ARHGAP18: variants seen among roughly 807,000 people sequenced by gnomAD.
ARHGAP18 encodes the protein rho GTPase-activating protein 18.
Under a neutral mutation model 86.2 loss-of-function variants are expected in ARHGAP18, and 67 were observed. The observed-to-expected ratio is 0.78, with a 90% CI of 0.64 to 0.95. ARHGAP18 has a LOEUF of 0.95. ARHGAP18 is among the 40% of genes least tolerant of loss of function. ARHGAP18 has a pLI of 0.00. For synonymous variants in ARHGAP18, 283 were observed against 280.4 expected (o/e 1.01, Z -0.09); for missense variants, 691 against 780.4 (o/e 0.89, Z 1.37).
intron 2 of ARHGAP18, 110 bp downstream of exon 2, chr6:129,641,706 T>C (rs1296183428): frequency 7.9e-6 from 8 of 1,018,770 alleles, no homozygotes; most frequent in South Asian, 1.7e-5. Context: ...GGCAGTATCT[T>C]TTTTTGGTGG....
At chr6:129,585,264 C>A (rs1176218295) in intron 12 of ARHGAP18, among the ~76,000 whole-genome samples, 3 of 151,510 alleles carry the variant, frequency 2.0e-5, no homozygotes, top group Non-Finnish European at 4.4e-5. Flanking sequence ...GCCTGGGAGA[C>A]AGAGTGAGAC....
chr6:129,623,560 T>C (rs1789276642), intron 5 of ARHGAP18, among the ~76,000 whole-genome samples: 1 of 152,110 alleles, frequency 6.6e-6, no homozygotes, highest in Non-Finnish European at 1.5e-5. Flanking sequence ...CAGAGAACAA[T>C]GTATTACATA....
intron 1 of ARHGAP18, among the ~76,000 whole-genome samples, chr6:129,693,898 G>A (rs1289250871): frequency 2.1e-5 from 3 of 142,182 alleles, no homozygotes; most frequent in African/African-American, 7.3e-5. Flanking sequence ...ATTTGCCCCA[G>A]TTATACGAAC....
intron 1 of ARHGAP18, among the ~76,000 whole-genome samples, chr6:129,688,388 C>G (rs1774468765): frequency 3.3e-5 from 5 of 152,152 alleles, no homozygotes; most frequent in Admixed American, 3.3e-4. Context: ...AACTTCCAGT[C>G]CTGTAACACA....
chr6:129,679,701 G>A (rs1254208934), intron 1 of ARHGAP18, among the ~76,000 whole-genome samples: 1 of 152,216 alleles, frequency 6.6e-6, no homozygotes, highest in African/African-American at 2.4e-5. Context: ...TGGTGGTAGG[G>A]TCCTCCTGAA....
At chr6:129,672,616 AT>A (rs1562719677) in intron 1 of ARHGAP18, among the ~76,000 whole-genome samples, 1 of 152,186 alleles carries the variant, frequency 6.6e-6, no homozygotes, top group African/African-American at 2.4e-5. Context: ...TTGTTTAAAC[AT>A]TTTTTTCCAA....
intron 1 of ARHGAP18, among the ~76,000 whole-genome samples, chr6:129,670,018 T>A (rs943668682): frequency 6.6e-6 from 1 of 152,224 alleles, no homozygotes; most frequent in African/African-American, 2.4e-5. Flanking sequence ...AAGTAGAAAT[T>A]ACATCAACTT....
chr6:129,650,398 C>G (rs530808726), intron 1 of ARHGAP18, among the ~76,000 whole-genome samples: 10 of 152,126 alleles, frequency 6.6e-5, no homozygotes, highest in Non-Finnish European at 1.5e-4. Flanking sequence ...GGAACATATA[C>G]GGGAAAATAG....
chr6:129,623,001 CAAAACAA>C (rs1562694853), intron 5 of ARHGAP18, among the ~76,000 whole-genome samples: 3 of 15,406 alleles, frequency 1.9e-4, no homozygotes, highest in East Asian at 1.3e-3. Context: ...AACTCCATCT[CAAAACAA>C]AAAAAAAAAA....
At position 129,616,219 on chromosome 6, in the gene ARHGAP18, A is replaced by C. The variant is rs771866699; in HGVS notation, c.1037T>G (p.Phe346Cys). ...CAATCCAAGCCTACCTACTTTTTGA[A>C]AGATCAAGGGTATTCGCATTCCTGG... ...KVPGMRIPLI[F>C]QKLISRIEER... The change falls in exon 7 of 15, where the codon TTT becomes TGT. Residue 346 changes from phenylalanine to cysteine, a missense_variant. Coordinates refer to ENST00000368149, the MANE Select transcript of ARHGAP18 (RefSeq NM_033515.3). 7 of 1,607,856 alleles carry C rather than the reference A, an allele frequency of 4.4e-6. No homozygotes were observed. The African/African-American group carries it at 6.7e-5, about 15-fold the overall frequency.
chr6:129,618,239 C>T (rs1318242618), intron 6 of ARHGAP18, among the ~76,000 whole-genome samples: 1 of 151,906 alleles, frequency 6.6e-6, no homozygotes, highest in African/African-American at 2.4e-5. Flanking sequence ...TTAGAATGTC[C>T]AGGAACAAAG....
intron 3 of ARHGAP18, among the ~76,000 whole-genome samples, chr6:129,634,912 ATG>A (rs1470060481): frequency 6.6e-6 from 1 of 152,142 alleles, no homozygotes; most frequent in Non-Finnish European, 1.5e-5. Flanking sequence ...CAAGAAATAA[ATG>A]TGAGATAAGT....
intron 5 of ARHGAP18, among the ~76,000 whole-genome samples, chr6:129,622,389 A>G (rs565851083): frequency 6.6e-6 from 1 of 152,278 alleles, no homozygotes; most frequent in South Asian, 2.1e-4. Context: ...GGGTCTAATA[A>G]GTCAAACACA....
chr6:129,636,437 A>G (rs1445750741), intron 3 of ARHGAP18, among the ~76,000 whole-genome samples: 1 of 152,204 alleles, frequency 6.6e-6, no homozygotes, highest in Non-Finnish European at 1.5e-5. Context: ...GTTATCTTTT[A>G]TAGTGTAAAT....
chr6:129,709,474 A>G (rs572705143), intron 1 of ARHGAP18, among the ~76,000 whole-genome samples: 1 of 152,250 alleles, frequency 6.6e-6, no homozygotes, highest in Non-Finnish European at 1.5e-5. Flanking sequence ...CCTGGGGGAA[A>G]AAAAATCCAC....
intron 10 of ARHGAP18, among the ~76,000 whole-genome samples, chr6:129,603,769 C>T (rs1335437016): frequency 6.6e-6 from 1 of 152,116 alleles, no homozygotes; most frequent in African/African-American, 2.4e-5. Context: ...CCAAATGCAC[C>T]ATAATTCAAA....
At chr6:129,683,083 T>C (rs1386886166) in intron 1 of ARHGAP18, among the ~76,000 whole-genome samples, 5 of 151,562 alleles carry the variant, frequency 3.3e-5, no homozygotes, top group African/African-American at 1.2e-4. Flanking sequence ...TTTTTTTTGT[T>C]TTTTTTGAGA....
intron 1 of ARHGAP18, among the ~76,000 whole-genome samples, chr6:129,692,268 T>A (rs534352061): frequency 2.0e-4 from 31 of 152,318 alleles, no homozygotes; most frequent in African/African-American, 7.0e-4. Flanking sequence ...TCCTTTCCTC[T>A]CCTCAAAGGC....
chr6:129,609,524 C>T lies in ARHGAP18; in HGVS notation c.1123-1472G>A, dbSNP rs76453368. On this transcript the variant is annotated intron_variant, in intron 8 of 14. Coordinates refer to ENST00000368149, the MANE Select transcript of ARHGAP18 (RefSeq NM_033515.3). ...AGTGAGGGCCCGAGTGCTTTGAACT[C>T]GGTGAATTGAGGACTATCTTGCCAA... 5.3e-5 allele frequency among the ~76,000 whole-genome samples: 8 copies of T among 152,224 alleles called. No individual in the cohort carries two copies. The East Asian group carries it at 1.2e-3, about 22-fold the overall frequency.
Sources: gnomAD v4.1 joint callset for allele counts (sites outside exome capture counted in the v4.1 genomes callset) on GRCh38, gnomAD v4.1.1 for gene constraint, MANE v1.5 for transcripts, NCBI Gene and HGNC (gene_info 2026-07-23, HGNC 2026-07-21) for gene names.